The following GSE1 variants were observed in gnomAD, a reference collection of about 807,000 sequenced individuals.
GSE1 encodes Gse1 coiled-coil protein.
Under a neutral mutation model 112.6 loss-of-function variants are expected in GSE1, and 32 were observed. That is an observed-to-expected ratio of 0.28 (90% CI 0.21 to 0.38). The LOEUF (loss-of-function observed/expected upper bound fraction) is 0.38, where lower values mean the gene tolerates loss of function less well. Among genes scored for constraint, GSE1 ranks in the 10% least tolerant of loss-of-function variants. The pLI is 1.00. For synonymous variants in GSE1, 1,115 were observed against 735.6 expected (o/e 1.52, Z -8.35); for missense variants, 2,348 against 1,699.2 (o/e 1.38, Z -6.71).
At chr16:85,303,990 G>T (rs915551857) in intron 1 of GSE1, among the ~76,000 whole-genome samples, 3 of 152,238 alleles carry the variant, frequency 2.0e-5, no homozygotes, top group Non-Finnish European at 2.9e-5. Context: ...CAGGACCCCA[G>T]TGGTCTAGGG....
At chr16:85,618,646 C>A (rs1030394713) in intron 1 of GSE1, among the ~76,000 whole-genome samples, 1 of 152,220 alleles carries the variant, frequency 6.6e-6, no homozygotes, top group Non-Finnish European at 1.5e-5. Flanking sequence ...CAAAGCCTTG[C>A]GGCTACTCCT....
intron 1 of GSE1, among the ~76,000 whole-genome samples, chr16:85,187,426 G>A (rs562050468): frequency 1.3e-5 from 2 of 152,246 alleles, no homozygotes; most frequent in African/African-American, 4.8e-5. Flanking sequence ...GCCCTGCTCT[G>A]GGGGAAGAGA....
chr16:85,544,488 T>C (rs2044629149), intron 2 of GSE1, among the ~76,000 whole-genome samples: 1 of 152,182 alleles, frequency 6.6e-6, no homozygotes, highest in South Asian at 2.1e-4. Flanking sequence ...TGGCTGGGGC[T>C]GACTCCAGAT....
intron 1 of GSE1, among the ~76,000 whole-genome samples, chr16:85,210,658 G>T (rs2075209685): frequency 6.6e-6 from 1 of 152,178 alleles, no homozygotes; most frequent in Non-Finnish European, 1.5e-5. Context: ...CACGTGTCCT[G>T]ATTCCAGCCT....
intron 2 of GSE1, among the ~76,000 whole-genome samples, chr16:85,368,946 C>T (rs2047240397): frequency 6.6e-6 from 1 of 152,128 alleles, no homozygotes; most frequent in African/African-American, 2.4e-5. Context: ...CAAGCAGCTG[C>T]TGTGAGTCGG....
intron 2 of GSE1, among the ~76,000 whole-genome samples, chr16:85,410,419 A>G (rs1194303467): frequency 1.4e-4 from 3 of 21,916 alleles, no homozygotes; most frequent in South Asian, 2.5e-3. Context: ...CCTCACTGTT[A>G]CACTCAGGGC....
chr16:85,344,337 C>T (rs138646945), intron 1 of GSE1, among the ~76,000 whole-genome samples: 1 of 152,140 alleles, frequency 6.6e-6, no homozygotes, highest in Non-Finnish European at 1.5e-5. Flanking sequence ...TTGTGAGCAG[C>T]CCGCGCGTTG....
At chr16:85,623,401 C>T (rs2048863783) in intron 1 of GSE1, among the ~76,000 whole-genome samples, 2 of 152,066 alleles carry the variant, frequency 1.3e-5, no homozygotes, top group Non-Finnish European at 2.9e-5. Context: ...TCATTTGCAC[C>T]CTCTCTCCAT....
chr16:85,179,184 C>T (rs533159083), intron 1 of GSE1, among the ~76,000 whole-genome samples: 1 of 152,280 alleles, frequency 6.6e-6, no homozygotes, highest in Admixed American at 6.5e-5. Flanking sequence ...CCACCCCTGG[C>T]ACCCACTCGT....
rs371456459 is a variant in GSE1, at chr16:85,403,093, G to GT, written c.2464+45450_2464+45451insT. On this transcript the variant is annotated intron_variant, in intron 2 of 2. Coordinates refer to the GSE1 transcript ENST00000637419. ...CCCAAGCCCTCTCCCATGGTTGCTG[G>GT]GGGGGGACTCAGTTCCTCTGGGCCG... Among the ~76,000 whole-genome samples the GT allele has an allele frequency of 1.7e-3, 258 of 151,848 alleles. 3 individuals carry two copies. Among genetic ancestry groups the GT allele is most frequent in the South Asian group, 6.1e-3 (29 of 4,790 alleles).
At chr16:85,321,138 A>T (rs2046098839) in intron 1 of GSE1, among the ~76,000 whole-genome samples, 1 of 152,148 alleles carries the variant, frequency 6.6e-6, no homozygotes, top group Admixed American at 6.5e-5. Flanking sequence ...AAGGACAGGG[A>T]CCTTGTCTGT....
chr16:85,220,906 C>G (rs73257922), intron 1 of GSE1, among the ~76,000 whole-genome samples: 5,379 of 149,966 alleles, frequency 0.036, 383 homozygotes, highest in African/African-American at 0.13. Flanking sequence ...CTGCTTCCTC[C>G]AGCTTCCTCC....
At chr16:85,666,895 C>G (rs372991462) in intron 13 of GSE1, among the ~76,000 whole-genome samples, 1 of 152,222 alleles carries the variant, frequency 6.6e-6, no homozygotes, top group African/African-American at 2.4e-5. Flanking sequence ...TGGAATTCCA[C>G]CAAGTTCCAA....
intron 1 of GSE1, among the ~76,000 whole-genome samples, chr16:85,218,876 A>G (rs2075345710): frequency 6.6e-6 from 1 of 152,156 alleles, no homozygotes; most frequent in African/African-American, 2.4e-5. Context: ...CTGACAGTCC[A>G]TGCGGATTTT....
chr16:85,324,330 C>T lies in GSE1; in HGVS notation c.2284-33133C>T, dbSNP rs529220270. On this transcript the variant is annotated intron_variant, in intron 1 of 2. Transcript: ENST00000637419. ...TTTGAGACCAGCCTGGCCAACATGG[C>T]GAAACCCCGTCTCTACTAAAAATAC... 3.9e-5 allele frequency among the ~76,000 whole-genome samples: 6 copies of T among 152,108 alleles called. No homozygotes were observed. In the East Asian group the frequency reaches 5.8e-4, roughly 15 times the overall value.
chr16:85,421,930 T>G (rs2048854182), intron 2 of GSE1, among the ~76,000 whole-genome samples: 1 of 152,148 alleles, frequency 6.6e-6, no homozygotes, highest in South Asian at 2.1e-4. Context: ...GCTGAGGGCT[T>G]TCGAAGGGAT....
chr16:85,638,991 G>A (rs1171809808), intron 2 of GSE1, among the ~76,000 whole-genome samples: 2 of 152,138 alleles, frequency 1.3e-5, no homozygotes, highest in African/African-American at 4.8e-5. Context: ...GGCTTGGAGT[G>A]CCCGGGCCCC....
chr16:85,179,271 G>A (rs569429249), intron 1 of GSE1, among the ~76,000 whole-genome samples: 1 of 152,224 alleles, frequency 6.6e-6, no homozygotes, highest in South Asian at 2.1e-4. Flanking sequence ...GCCTTTTTGT[G>A]ACTGGCTTCT....
intron 2 of GSE1, among the ~76,000 whole-genome samples, chr16:85,458,333 G>C (rs1045517058): frequency 1.3e-5 from 2 of 152,274 alleles, no homozygotes; most frequent in African/African-American, 2.4e-5. Context: ...CAAGGCCACA[G>C]GTAAATGAGG....
Sources: allele counts gnomAD v4.1 joint callset (sites outside exome capture counted in the v4.1 genomes callset), GRCh38; gene constraint gnomAD v4.1.1; transcripts MANE v1.5; gene names NCBI Gene and HGNC (gene_info 2026-07-23, HGNC 2026-07-21).